Variants in ALMS1 observed in about 807,000 individuals in gnomAD.
ALMS1 encodes ALMS1 centrosome and basal body associated protein.
ALMS1 carries 271 observed loss-of-function variants against 352.2 expected under a neutral mutation model. That is an observed-to-expected ratio of 0.77 (90% CI 0.70 to 0.85). The LOEUF (loss-of-function observed/expected upper bound fraction) is 0.85. Ranked by LOEUF, ALMS1 falls within the 40% of genes least tolerant of loss-of-function variation. The pLI, the probability that ALMS1 is intolerant of heterozygous loss-of-function variation, is 0.00. For synonymous variants in ALMS1, 1,865 were observed against 1,761.2 expected, an observed-to-expected ratio of 1.06 and a Z score of -1.48; for missense variants, 5,445 against 4,870.7, an observed-to-expected ratio of 1.12 and a Z score of -3.51.
chr2:73,566,903 G>T (rs1296856797), intron 15 of ALMS1, among the ~76,000 whole-genome samples: 2 of 152,190 alleles, frequency 1.3e-5, no homozygotes, highest in Non-Finnish European at 2.9e-5. Flanking sequence ...GATTTTTTAT[G>T]AAGGATATTT....
chr2:73,603,326 T>C, intron 21 of ALMS1, 22 bp downstream of exon 21: 1 of 1,612,048 alleles, frequency 6.2e-7, no homozygotes, highest in Non-Finnish European at 8.5e-7. Context: ...AAAACAAGAG[T>C]ACGTATACAA....
At position 73,453,567 on chromosome 2, in the gene ALMS1, G is replaced by T. The variant is rs752336806; in HGVS notation, c.7040G>T (p.Gly2347Val). Residue 2347 changes from glycine to valine, a missense_variant, in exon 8 of 23, where the codon GGC (glycine) becomes GTC (valine). Transcript: ENST00000613296. The part of the protein sequence containing the change: ...GTQTNLKCRR[G>V]IENWEFISST... ...CAGACGAATTTGAAATGCCGGAGAGGCATTGAAAATTGGGAGTTTATTAGT... is the reference window on the plus strand; with the variant it reads ...CAGACGAATTTGAAATGCCGGAGAGTCATTGAAAATTGGGAGTTTATTAGT... 1.7e-5 allele frequency: 28 copies of T among 1,613,754 alleles called. No individual in the cohort carries two copies. Among genetic ancestry groups the T allele is most frequent in the Non-Finnish European group, 1.5e-5 (18 of 1,180,008 alleles).
Position 73,600,730 on chromosome 2 carries a change from A to G in ALMS1, c.11721A>G (p.Ile3907Met), listed in dbSNP as rs1253207400. ...AAAAACACACTCGAGATGTTGGGAT[A>G]ACTTTCCCAACTCCAAGTTCCAGCG... ...GAKKHTRDVG[I>M]TFPTPSSSEA... Residue 3907 changes from isoleucine (I) to methionine (M), a missense_variant, in exon 18 of 23, where the codon ATA (isoleucine) becomes ATG (methionine). By Grantham distance (10) the Ile-to-Met change is conservative (BLOSUM62 1). Coordinates refer to ENST00000613296, the MANE Select transcript of ALMS1 (RefSeq NM_001378454.1). 1 of 1,614,206 alleles carries G rather than the reference A, an allele frequency of 6.2e-7. No homozygotes were observed. The highest frequency in any genetic ancestry group is 2.2e-5 in the East Asian group (1 of 44,892).
At position 73,451,899 on chromosome 2, in the gene ALMS1, C is replaced by A. The variant is rs1311242182; in HGVS notation, c.5372C>A (p.Pro1791Gln). Residue 1791 changes from proline to glutamine, a missense_variant, in exon 8 of 23, where the codon CCA (proline) becomes CAA (glutamine). Transcript: ENST00000613296. ...EALKVSNVPG[P>Q]ADQKTGVSTV... Reference sequence around the variant, plus strand: ...CTGAAAGTTTCAAATGTTCCTGGACCAGCTGACCAGAAGACTGGGGTATCA... The same window carrying A: ...CTGAAAGTTTCAAATGTTCCTGGACAAGCTGACCAGAAGACTGGGGTATCA... 2 of 1,614,036 alleles carry A rather than the reference C, an allele frequency of 1.2e-6. No individual in the cohort carries two copies. Among genetic ancestry groups the A allele is most frequent in the East Asian group, 2.2e-5 (1 of 44,870 alleles).
rs1309452497 is a variant in ALMS1 at position 73,608,593 on chromosome 2, T to C, written c.12462+19T>C. On this transcript the variant is annotated intron_variant, in intron 22 of 22. Transcript: ENST00000613296. ...TAAAAAGGTCAGTGGGTCCTCTGTC[T>C]AGAGTGGGATGGATCAGGTTTATTG... 4.5e-6 allele frequency: 7 copies of C among 1,572,140 alleles called. No homozygotes were observed. Among genetic ancestry groups the C allele is most frequent in the Non-Finnish European group, 5.3e-6 (6 of 1,141,980 alleles).
intron 16 of ALMS1, among the ~76,000 whole-genome samples, chr2:73,586,501 G>T (rs962082037): frequency 3.3e-5 from 5 of 152,042 alleles, no homozygotes; most frequent in African/African-American, 1.2e-4. Flanking sequence ...TGTTGAATAG[G>T]GTGTCCTTTC....
chr2:73,561,859 TAAG>T (rs1457262648), intron 15 of ALMS1, among the ~76,000 whole-genome samples: 5 of 151,870 alleles, frequency 3.3e-5, no homozygotes, highest in Admixed American at 1.3e-4. Context: ...CTCTAGAAGA[TAAG>T]AAAAATTTTT....
At chr2:73,603,454 G>GAAAAAA in intron 21 of ALMS1, 150 bp downstream of exon 21, 1 of 567,408 alleles carries the variant, frequency 1.8e-6, no homozygotes, top group Non-Finnish European at 3.1e-6. Context: ...TTATGGCACT[G>GAAAAAA]AAAAAAAAAA....
In ALMS1 at chr2:73,489,656, T is replaced by C. The variant is rs373385088; in HGVS notation, c.7697T>C (p.Met2566Thr). The change falls in exon 10 of 23, where the codon ATG (methionine) becomes ACG (threonine). Residue 2566 changes from methionine (M) to threonine (T), a missense_variant. Coordinates refer to ENST00000613296, the MANE Select transcript of ALMS1 (RefSeq NM_001378454.1). ...LSKGLQSPRG[M>T]GCKPEAVCSH... ...TAGGGTTTACAGAGTCCACGGGGAA[T>C]GGGATGCAAGCCAGAAGCTGTATGT... 2.0e-5 allele frequency: 32 copies of C among 1,614,010 alleles called. No homozygotes were observed. Among genetic ancestry groups the C allele is most frequent in the Non-Finnish European group, 2.6e-5 (31 of 1,180,018 alleles).
At position 73,601,202 on chromosome 2, in the gene ALMS1, C is replaced by G; in HGVS notation, c.11880C>G (p.Ser3960=). 6.2e-7 allele frequency: 1 copy of G among 1,614,116 alleles called. No homozygotes were observed. ...AAAAACTGTTTCCTGTAGGAGTTTCCTGGTTTGTTCCTGTGGAAAATGTGG... is the reference window on the plus strand; with the variant it reads ...AAAAACTGTTTCCTGTAGGAGTTTCGTGGTTTGTTCCTGTGGAAAATGTGG... ...KNKKNSHEGV[S]WFVPVENVES... The change falls in exon 19 of 23, where the codon TCC becomes TCG. Residue 3960 remains serine, a synonymous_variant. Coordinates refer to ENST00000613296, the MANE Select transcript of ALMS1 (RefSeq NM_001378454.1).
chr2:73,559,554 G>A (rs1422685284), intron 15 of ALMS1, among the ~76,000 whole-genome samples: 1 of 151,904 alleles, frequency 6.6e-6, no homozygotes, highest in Non-Finnish European at 1.5e-5. Context: ...GTTTGTCCAT[G>A]GGTCTCTTTT....
At chr2:73,475,348 C>T (rs1672560987) in intron 9 of ALMS1, among the ~76,000 whole-genome samples, 2 of 152,062 alleles carry the variant, frequency 1.3e-5, no homozygotes, top group South Asian at 4.1e-4. Context: ...TTCCCATGAG[C>T]AGTATATGAG....
intron 1 of ALMS1, among the ~76,000 whole-genome samples, chr2:73,388,394 G>C (rs893286097): frequency 1.3e-5 from 2 of 152,120 alleles, no homozygotes; most frequent in African/African-American, 2.4e-5. Context: ...CTTTGTACGT[G>C]ATAGTGTAAC....
At chr2:73,586,224 G>T (rs1159217268) in intron 16 of ALMS1, among the ~76,000 whole-genome samples, 4 of 152,150 alleles carry the variant, frequency 2.6e-5, no homozygotes, top group African/African-American at 9.7e-5. Flanking sequence ...TTTGTGGGTT[G>T]TTTGCTGATT....
chr2:73,391,202 A>G (rs571676474), intron 1 of ALMS1, among the ~76,000 whole-genome samples: 1 of 152,058 alleles, frequency 6.6e-6, no homozygotes, highest in Non-Finnish European at 1.5e-5. Context: ...AGAAGAGAAC[A>G]CAGGCTGAAC....
At chr2:73,518,514 G>C (rs557816905) in intron 10 of ALMS1, among the ~76,000 whole-genome samples, 13 of 152,230 alleles carry the variant, frequency 8.5e-5, no homozygotes, top group Non-Finnish European at 2.9e-5. Flanking sequence ...TGGTGCATCT[G>C]GTTTTAGCTC....
intron 15 of ALMS1, among the ~76,000 whole-genome samples, chr2:73,561,753 A>G (rs763835653): frequency 7.3e-5 from 11 of 151,198 alleles, no homozygotes; most frequent in South Asian, 6.2e-4. Context: ...AAAATAATAC[A>G]TAAGATGAAG....
At chr2:73,471,217 A>C (rs1300558154) in intron 9 of ALMS1, among the ~76,000 whole-genome samples, 1 of 142,986 alleles carries the variant, frequency 7.0e-6, no homozygotes, top group African/African-American at 2.6e-5. Context: ...TTTTGCTTTG[A>C]TCCTTCCTTT....
At chr2:73,502,480 G>T (rs1377350015) in intron 10 of ALMS1, among the ~76,000 whole-genome samples, 1 of 152,024 alleles carries the variant, frequency 6.6e-6, no homozygotes, top group Non-Finnish European at 1.5e-5. Flanking sequence ...ATCTTGCCCT[G>T]TTCCCTATTC....
Sources: gnomAD v4.1 joint callset for allele counts (sites outside exome capture counted in the v4.1 genomes callset) on GRCh38, gnomAD v4.1.1 for gene constraint, MANE v1.5 for transcripts, NCBI Gene and HGNC (gene_info 2026-07-23, HGNC 2026-07-21) for gene names.